The following KSR2 variants were observed in gnomAD, a reference collection of about 807,000 sequenced individuals.
KSR2 encodes the protein kinase suppressor of ras 2.
In KSR2, 25 loss-of-function variants were observed where a neutral mutation model predicts 107.8. That is an observed-to-expected ratio of 0.23 (90% CI 0.17 to 0.32). The LOEUF (loss-of-function observed/expected upper bound fraction) is 0.32, where lower values mean the gene tolerates loss of function less well. KSR2 is among the 10% of genes least tolerant of loss of function. The pLI is 1.00. For missense variants in KSR2, 887 were observed against 1,268.9 expected, an observed-to-expected ratio of 0.70 and a Z score of 4.57; for synonymous variants, 480 against 507.0, an observed-to-expected ratio of 0.95 and a Z score of 0.71.
chr12:117,618,769 T>C (rs1038691076), intron 5 of KSR2, among the ~76,000 whole-genome samples: 1 of 152,120 alleles, frequency 6.6e-6, no homozygotes, highest in Non-Finnish European at 1.5e-5. Context: ...TCCACCGTGA[T>C]TGTGAGGCCT....
intron 5 of KSR2, among the ~76,000 whole-genome samples, chr12:117,639,635 TTA>T (rs1883267532): frequency 7.4e-6 from 1 of 135,590 alleles, no homozygotes; most frequent in Non-Finnish European, 1.6e-5. Context: ...CAGCGTATTA[TTA>T]TTATTATTAT....
intron 5 of KSR2, among the ~76,000 whole-genome samples, chr12:117,625,892 T>C (rs1310674473): frequency 6.6e-6 from 1 of 152,240 alleles, no homozygotes; most frequent in Non-Finnish European, 1.5e-5. Flanking sequence ...CTGTTATTAG[T>C]CTATTCAGAG....
At chr12:117,946,941 G>A (rs1896196339) in intron 1 of KSR2, among the ~76,000 whole-genome samples, 1 of 151,854 alleles carries the variant, frequency 6.6e-6, no homozygotes, top group Non-Finnish European at 1.5e-5. Flanking sequence ...GAGGCAGACG[G>A]ATTACTTGAG....
At chr12:117,601,635 C>A (rs1197541435) in intron 5 of KSR2, among the ~76,000 whole-genome samples, 1 of 151,886 alleles carries the variant, frequency 6.6e-6, no homozygotes, top group Non-Finnish European at 1.5e-5. Flanking sequence ...AAGGAAGGAC[C>A]CCCCCCTAGA....
intron 1 of KSR2, among the ~76,000 whole-genome samples, chr12:117,880,666 C>A (rs1297313373): frequency 2.0e-5 from 3 of 151,710 alleles, no homozygotes; most frequent in Non-Finnish European, 2.9e-5. Context: ...CCGTAAACAT[C>A]CACTAACCCC....
Position 117,761,025 on chromosome 12 carries a change from C to A in KSR2, c.972G>T (p.Glu324Asp). 6.2e-7 allele frequency: 1 copy of A among 1,613,700 alleles called. No homozygotes were observed. Among genetic ancestry groups the A allele is most frequent in the Non-Finnish European group, 8.5e-7 (1 of 1,179,726 alleles). ...HEFQLGHRVDEAHTPKAKKKS... is the reference protein window; with the variant it reads ...HEFQLGHRVDDAHTPKAKKKS... ...ATCGCACTCACTTGGGCGTGTGGGC[C>A]TCGTCCACGCGGTGCCCCAGCTGGA... The change falls in exon 4 of 20, where the codon GAG becomes GAT. Residue 324 changes from glutamate to aspartate, a missense_variant. By Grantham distance (45) the Glu-to-Asp change is conservative. Coordinates refer to ENST00000339824, the MANE Select transcript of KSR2 (RefSeq NM_173598.6).
intron 5 of KSR2, among the ~76,000 whole-genome samples, chr12:117,592,632 A>C (rs1474667726): frequency 2.0e-5 from 3 of 152,254 alleles, no homozygotes; most frequent in African/African-American, 7.2e-5. Flanking sequence ...CCGGTAAAGA[A>C]AGAAAAGATG....
At chr12:117,677,959 G>T (rs979810489) in intron 4 of KSR2, among the ~76,000 whole-genome samples, 3 of 152,022 alleles carry the variant, frequency 2.0e-5, no homozygotes, top group African/African-American at 7.2e-5. Context: ...TTTTGAGACA[G>T]AGTCTCGCTC....
intron 9 of KSR2, among the ~76,000 whole-genome samples, chr12:117,552,314 T>C (rs964647364): frequency 1.9e-4 from 29 of 152,232 alleles, no homozygotes; most frequent in African/African-American, 6.8e-4. Flanking sequence ...TCTTATTGCC[T>C]GCCACGGGCT....
intron 5 of KSR2, among the ~76,000 whole-genome samples, chr12:117,644,438 A>C (rs1449988698): frequency 6.6e-6 from 1 of 152,220 alleles, no homozygotes; most frequent in East Asian, 1.9e-4. Context: ...CTACTAAAGC[A>C]GGATCAGTGG....
chr12:117,823,639 G>C (rs1891640758), intron 3 of KSR2, among the ~76,000 whole-genome samples: 1 of 152,204 alleles, frequency 6.6e-6, no homozygotes, highest in Non-Finnish European at 1.5e-5. Context: ...AGTGGACAAA[G>C]AGGTAGGAGG....
At chr12:117,695,621 G>C (rs1052649329) in intron 4 of KSR2, among the ~76,000 whole-genome samples, 13 of 151,412 alleles carry the variant, frequency 8.6e-5, no homozygotes, top group Non-Finnish European at 1.9e-4. Flanking sequence ...TGAGGTGGGA[G>C]GATCACTTGA....
intron 7 of KSR2, among the ~76,000 whole-genome samples, chr12:117,575,531 C>T (rs957389625): frequency 1.8e-4 from 27 of 152,208 alleles, no homozygotes; most frequent in Non-Finnish European, 5.9e-5. Context: ...TCTTTGAAAA[C>T]ACATATAAAT....
intron 3 of KSR2, among the ~76,000 whole-genome samples, chr12:117,815,803 C>T (rs540961582): frequency 6.6e-6 from 1 of 151,810 alleles, no homozygotes; most frequent in Non-Finnish European, 1.5e-5. Context: ...GGTGAAACCC[C>T]GTCTCTACTA....
At chr12:117,851,192 A>G (rs1892909053) in intron 3 of KSR2, among the ~76,000 whole-genome samples, 1 of 152,188 alleles carries the variant, frequency 6.6e-6, no homozygotes. Context: ...CTGAGGCAGG[A>G]CATAGAAGAC....
At chr12:117,710,192 G>A (rs1359243931) in intron 4 of KSR2, among the ~76,000 whole-genome samples, 2 of 151,972 alleles carry the variant, frequency 1.3e-5, no homozygotes, top group Non-Finnish European at 2.9e-5. Context: ...ACGGCCTCTT[G>A]CTCCGAACCA....
chr12:117,517,566 T>C (rs751811771), intron 14 of KSR2: 35 of 244,250 alleles, frequency 1.4e-4, no homozygotes, highest in Non-Finnish European at 2.5e-4. Flanking sequence ...ATAGGATGGA[T>C]TACACAGGCG....
At chr12:117,721,957 G>A (rs989616298) in intron 4 of KSR2, among the ~76,000 whole-genome samples, 1 of 152,098 alleles carries the variant, frequency 6.6e-6, no homozygotes, top group African/African-American at 2.4e-5. Flanking sequence ...TGTCCAATAT[G>A]GCAGCCACCA....
chr12:117,942,483 C>CT (rs1047765783), intron 1 of KSR2, among the ~76,000 whole-genome samples: 216 of 144,878 alleles, frequency 1.5e-3, no homozygotes, highest in African/African-American at 5.1e-3. Context: ...TTTTCTTTTC[C>CT]TTTTTTTTTC....
Sources: gnomAD v4.1 joint callset for allele counts (sites outside exome capture counted in the v4.1 genomes callset) on GRCh38, gnomAD v4.1.1 for gene constraint, MANE v1.5 for transcripts, NCBI Gene and HGNC (gene_info 2026-07-23, HGNC 2026-07-21) for gene names.